The following ZNF550 variants were observed in gnomAD, a reference collection of about 807,000 sequenced individuals.
The protein encoded by ZNF550 is zinc finger protein 550.
Under a neutral mutation model 40.2 loss-of-function variants are expected in ZNF550, and 42 were observed. That is an observed-to-expected ratio of 1.05 (90% CI 0.82 to 1.35). The LOEUF is 1.35. ZNF550 is among the 40% of genes most tolerant of loss of function. The pLI, the probability that ZNF550 is intolerant of heterozygous loss-of-function variation, is 0.00. For synonymous variants in ZNF550, 223 were observed against 198.6 expected, an observed-to-expected ratio of 1.12 and a Z score of -1.03; for missense variants, 549 against 525.2, an observed-to-expected ratio of 1.05 and a Z score of -0.44.
exon 4 of ZNF550, chr19:57,547,953 G>A (rs142329644): frequency 4.8e-4 from 768 of 1,613,990 alleles, no homozygotes; most frequent in Non-Finnish European, 6.0e-4. Flanking sequence ...AGACTGGCGG[G>A]TAAGTGGTTG....
At chr19:57,556,100 A>G in intron 2 of ZNF550, 131 bp downstream of exon 2, 1 of 1,209,048 alleles carries the variant, frequency 8.3e-7, no homozygotes, top group Non-Finnish European at 1.2e-6. Context: ...ATGCAGACAA[A>G]GGGAGACCAG....
At chr19:57,548,321 A>G (rs1417021282) in intron 3 of ZNF550, among the ~76,000 whole-genome samples, 2 of 152,194 alleles carry the variant, frequency 1.3e-5, no homozygotes, top group African/African-American at 4.8e-5. Context: ...GAACGCTTAC[A>G]TCCATCTGAC....
At chr19:57,544,120 C>T (rs575227049) in intron 4 of ZNF550, 3 of 985,432 alleles carry the variant, frequency 3.0e-6, no homozygotes, top group South Asian at 9.4e-5. Flanking sequence ...TAAGTTCCTT[C>T]CCTGCTCAAG....
At chr19:57,547,952 G>A (rs1317553484) in exon 4 of ZNF550, 1 of 1,613,966 alleles carries the variant, frequency 6.2e-7, no homozygotes, top group Non-Finnish European at 8.5e-7. Context: ...AAGACTGGCG[G>A]GTAAGTGGTT....
exon 4 of ZNF550, chr19:57,547,366 C>T (rs776010564): frequency 6.8e-6 from 11 of 1,612,396 alleles, no homozygotes; most frequent in South Asian, 3.3e-5. Flanking sequence ...GAAGGCCTTT[C>T]GACATTGACT....
Position 57,559,767 on chromosome 19 carries a change from AG to A in ZNF550, c.-86del. 3 of 1,238,410 alleles carry A rather than the reference AG, an allele frequency of 2.4e-6. No individual in the cohort carries two copies. The East Asian group carries it at 9.0e-5, about 37-fold the overall frequency. The allele number at this position is 1,238,410 out of a possible 1,614,324, so 76.7% of individuals were successfully genotyped here. On this transcript the variant is annotated 5_prime_UTR_variant, in exon 1 of 5. The change abolishes the stop of an existing upstream ORF in the 5' untranslated region. Coordinates refer to ENST00000457177, the Ensembl canonical transcript of ZNF550. ...CGGGTCCTACAACGGTGCGGAGGTG[AG>A]CCCCAGTCGCCCTACCATCCTTCCC...
chr19:57,544,291 CTG>C (rs1355959375), intron 4 of ZNF550: 7 of 985,436 alleles, frequency 7.1e-6, no homozygotes, highest in Admixed American at 1.2e-4. Flanking sequence ...TCAGTGAAGA[CTG>C]TATGGAAAGA....
chr19:57,547,581 A>G, exon 4 of ZNF550: 1 of 1,614,160 alleles, frequency 6.2e-7, no homozygotes, highest in Middle Eastern at 1.6e-4. Context: ...GAACCCTCTG[A>G]TGTCGAACGA....
At chr19:57,550,278 G>C (rs2090061270) in intron 3 of ZNF550, among the ~76,000 whole-genome samples, 1 of 152,168 alleles carries the variant, frequency 6.6e-6, no homozygotes, top group Non-Finnish European at 1.5e-5. Context: ...ACTTAAAACT[G>C]AGCACAGATC....
intron 1 of ZNF550, among the ~76,000 whole-genome samples, chr19:57,559,264 CGG>C (rs879366523): frequency 2.0e-5 from 3 of 152,054 alleles, no homozygotes; most frequent in Non-Finnish European, 4.4e-5. Context: ...TCCTCAACCC[CGG>C]GGGGGGGAAG....
chr19:57,547,940 A>G (rs1351107450), exon 4 of ZNF550: 2 of 1,614,154 alleles, frequency 1.2e-6, no homozygotes, highest in Non-Finnish European at 1.7e-6. Context: ...GCCCGCTCAG[A>G]TAAGACTGGC....
At chr19:57,546,689 G>C (rs1351401493) in exon 4 of ZNF550, 10 of 1,177,074 alleles carry the variant, frequency 8.5e-6, no homozygotes, top group Non-Finnish European at 1.1e-5. Context: ...TGAGTTCTCT[G>C]ATGTTGATGG....
intron 3 of ZNF550, among the ~76,000 whole-genome samples, chr19:57,548,755 A>G (rs1194606301): frequency 6.6e-6 from 1 of 152,262 alleles, no homozygotes; most frequent in Non-Finnish European, 1.5e-5. Flanking sequence ...AAACATCAGT[A>G]CATCAAAGAG....
chr19:57,544,480 CACAGCTACAAT>C, intron 4 of ZNF550: 1 of 985,370 alleles, frequency 1.0e-6, no homozygotes, highest in Non-Finnish European at 1.2e-6. Flanking sequence ...CAAGTACAGC[CACAGCTACAAT>C]ACATGCAGCC....
exon 4 of ZNF550, chr19:57,547,458 A>G (rs370814942): frequency 2.5e-6 from 4 of 1,613,668 alleles, no homozygotes; most frequent in East Asian, 2.2e-5. Context: ...TCCCACACTC[A>G]AGGCACTTGT....
intron 1 of ZNF550, 149 bp from the exon 2 acceptor site, chr19:57,556,506 G>A: frequency 1.0e-6 from 1 of 969,738 alleles, no homozygotes; most frequent in Non-Finnish European, 1.5e-6. Context: ...GGGCTCAAAG[G>A]GGAGGCAGAT....
chr19:57,547,818 C>T (rs371770030), exon 4 of ZNF550: 139 of 1,614,144 alleles, frequency 8.6e-5, no homozygotes, highest in Non-Finnish European at 1.1e-4. Context: ...GGTCTGTCTC[C>T]GGTGTCACTT....
chr19:57,544,768 CCT>C (rs996405238), intron 4 of ZNF550, among the ~76,000 whole-genome samples: 3 of 152,144 alleles, frequency 2.0e-5, no homozygotes, highest in Non-Finnish European at 4.4e-5. Context: ...CACGTTTTAA[CCT>C]AACATTATCT....
At chr19:57,559,767 A>T (rs1345992285) in exon 1 of ZNF550, 6 of 1,238,290 alleles carry the variant, frequency 4.8e-6, no homozygotes, top group Non-Finnish European at 6.4e-6. Flanking sequence ...TGCGGAGGTG[A>T]GCCCCAGTCG....
Sources: allele counts gnomAD v4.1 joint callset (sites outside exome capture counted in the v4.1 genomes callset), GRCh38; gene constraint gnomAD v4.1.1; transcripts MANE v1.5; gene names NCBI Gene and HGNC (gene_info 2026-07-23, HGNC 2026-07-21).